SLC8A2: variants seen among roughly 807,000 people sequenced by gnomAD.
The protein encoded by SLC8A2 is sodium/calcium exchanger 2.
SLC8A2 carries 14 observed loss-of-function variants against 70.2 expected under a neutral mutation model. The ratio of observed to expected loss-of-function variants is 0.20; its 90% CI spans 0.13 to 0.31. The LOEUF (loss-of-function observed/expected upper bound fraction) is 0.31, where lower values mean the gene tolerates loss of function less well. Ranked by LOEUF, SLC8A2 falls within the 10% of genes least tolerant of loss-of-function variation. SLC8A2 has a pLI of 1.00. For synonymous variants in SLC8A2, 575 were observed against 594.3 expected (o/e 0.97, Z 0.47); for missense variants, 779 against 1,320.1 (o/e 0.59, Z 6.35).
chr19:47,461,051 G>A (rs1002492822), intron 2 of SLC8A2, among the ~76,000 whole-genome samples: 4 of 151,870 alleles, frequency 2.6e-5, no homozygotes, highest in African/African-American at 9.7e-5. Flanking sequence ...TTAGCTGGGC[G>A]TGGTGGCAGG....
At chr19:47,469,001 G>T (rs1313707557) in intron 1 of SLC8A2, among the ~76,000 whole-genome samples, 3 of 152,138 alleles carry the variant, frequency 2.0e-5, no homozygotes, top group Admixed American at 1.3e-4. Context: ...CCCACAGCCT[G>T]TCCCCAACTC....
intron 9 of SLC8A2, among the ~76,000 whole-genome samples, chr19:47,431,515 G>A (rs898560028): frequency 9.3e-5 from 14 of 150,962 alleles, no homozygotes; most frequent in Non-Finnish European, 1.6e-4. Flanking sequence ...TGGATGTGGT[G>A]GCGCACGCCT....
chr19:47,471,398 C>T (rs183178722), intron 1 of SLC8A2, among the ~76,000 whole-genome samples: 184 of 151,906 alleles, frequency 1.2e-3, no homozygotes, highest in African/African-American at 4.2e-3. Flanking sequence ...GACAGGGACT[C>T]CCAGAGGCGG....
chr19:47,460,540 A>G (rs1305176023), intron 2 of SLC8A2, among the ~76,000 whole-genome samples: 2 of 151,978 alleles, frequency 1.3e-5, no homozygotes, highest in African/African-American at 2.4e-5. Flanking sequence ...TCTACCAAAA[A>G]TACAAAATTA....
intron 1 of SLC8A2, among the ~76,000 whole-genome samples, chr19:47,470,540 A>G (rs529573554): frequency 7.9e-5 from 12 of 152,302 alleles, no homozygotes; most frequent in African/African-American, 2.6e-4. Flanking sequence ...CTGGCACACC[A>G]GGAAAGGGAT....
intron 6 of SLC8A2, among the ~76,000 whole-genome samples, chr19:47,440,179 T>C (rs1447869796): frequency 6.6e-6 from 1 of 152,072 alleles, no homozygotes; most frequent in Non-Finnish European, 1.5e-5. Context: ...TGGCCCCAAT[T>C]CTAACCTAAA....
rs981592453 is a variant in SLC8A2 at position 47,457,387 on chromosome 19, G to T, written c.883C>A (p.Leu295Met). 1.1e-5 allele frequency: 17 copies of T among 1,556,262 alleles called. No individual in the cohort carries two copies. The highest frequency in any genetic ancestry group is 7.3e-5 in the East Asian group (3 of 41,368). The change falls in exon 3 of 10, where the codon CTG (leucine) becomes ATG (methionine). Residue 295 changes from leucine to methionine, a missense_variant. Leu to Met is a conservative substitution (Grantham distance 15). This residue lies in a region of SLC8A2 where 186 missense variants were observed against 246.6 expected (regional missense o/e 0.75). Coordinates refer to ENST00000236877, the MANE Select transcript of SLC8A2 (RefSeq NM_015063.3). ...TFVGAEAPGE[L>M]GGLGPGPAEA... is the part of the protein sequence containing the mutation. Reference sequence around the variant, plus strand: ...GCGGGGCCCGGGCCCAGGCCGCCCAGCTCACCTGGGGCCTCGGCGCCCACG... The same window carrying T: ...GCGGGGCCCGGGCCCAGGCCGCCCATCTCACCTGGGGCCTCGGCGCCCACG...
intron 8 of SLC8A2, among the ~76,000 whole-genome samples, chr19:47,436,175 CT>C (rs1479580134): frequency 1.3e-4 from 20 of 152,292 alleles, no homozygotes; most frequent in South Asian, 6.2e-4. Flanking sequence ...TGGCTGACAT[CT>C]TTACCCATTT....
chr19:47,471,245 GAC>G (rs1967535107), intron 1 of SLC8A2, among the ~76,000 whole-genome samples: 1 of 151,768 alleles, frequency 6.6e-6, no homozygotes. Context: ...GAGAGGCAGA[GAC>G]ACAGAGACAC....
In SLC8A2 at chr19:47,452,435, A is replaced by G. The variant is rs1475707737; in HGVS notation, c.1341-4204T>C. Reference sequence around the variant, plus strand: ...GAGAGAGAGAGAGAGAGAGAGAGAGAGAGAGAGAGAGTGTGTGTGTGTGTG... The same window carrying G: ...GAGAGAGAGAGAGAGAGAGAGAGAGGGAGAGAGAGAGTGTGTGTGTGTGTG... On this transcript the variant is annotated intron_variant, in intron 3 of 9. Transcript: ENST00000236877. 6.3e-5 allele frequency among the ~76,000 whole-genome samples: 6 copies of G among 94,892 alleles called. 1 individual carries two copies. The highest frequency in any genetic ancestry group is 1.2e-4 in the Non-Finnish European group (6 of 48,398). 62.3% of individuals were successfully genotyped at this position (94,892 alleles called of 152,430 possible).
At position 47,430,535 on chromosome 19, in the gene SLC8A2, C is replaced by T. The variant is rs1470279820; in HGVS notation, c.2390-70G>A. 6.3e-6 allele frequency: 9 copies of T among 1,439,712 alleles called. No homozygotes were observed. Among genetic ancestry groups the T allele is most frequent in the African/African-American group, 1.4e-5 (1 of 70,224 alleles). The allele number at this position is 1,439,712 out of a possible 1,614,324, so 89.2% of individuals were successfully genotyped here. ...CCCACAGGGGCGGGCATCCGCCTGC[C>T]CCCTCCCAGCCTTTCCCGGTCGCCT... is the stretch of plus-strand genomic sequence containing the variant. On this transcript the variant is annotated intron_variant, in intron 9 of 9. Coordinates refer to ENST00000236877, the MANE Select transcript of SLC8A2 (RefSeq NM_015063.3). This position sits in a 1 kb window ranked among gnomAD's most constrained non-coding sequence, Gnocchi z 5.9.
At chr19:47,462,733 G>A (rs572905949) in intron 2 of SLC8A2, among the ~76,000 whole-genome samples, 224 of 151,538 alleles carry the variant, frequency 1.5e-3, no homozygotes, top group African/African-American at 5.1e-3. Context: ...GATTACAGGC[G>A]CCTGCCACCA....
Position 47,447,915 on chromosome 19 carries a change from C to A in SLC8A2, c.1657G>T (p.Gly553Cys). The A allele has an allele frequency of 6.4e-7, 1 of 1,569,670 alleles. No homozygotes were observed. The highest frequency in any genetic ancestry group is 8.6e-7 in the Non-Finnish European group (1 of 1,158,468). The change falls in exon 4 of 10, where the codon GGC becomes TGC. Residue 553 changes from glycine to cysteine, a missense_variant. Gly to Cys is a radical substitution (Grantham distance 159, BLOSUM62 -3). Transcript: ENST00000236877. This position sits in a 1 kb window ranked among gnomAD's most constrained non-coding sequence, Gnocchi z 5.1. ...GTGCGGTAGGGAAGGCGCACGGTGC[C>A]GCGCGCGCCCGAGCTGCGCACGACG... is the stretch of plus-strand genomic sequence containing the variant. ...VRVVRSSGARGTVRLPYRTVD... is the reference protein window; with the variant it reads ...VRVVRSSGARCTVRLPYRTVD...
At position 47,468,873 on chromosome 19, in the gene SLC8A2, GAGA is replaced by G. The variant is rs151016456; in HGVS notation, c.-16-2457_-16-2455del. Among the ~76,000 whole-genome samples, 3,026 of 152,236 alleles carry G rather than the reference GAGA, an allele frequency of 0.02. 108 individuals are homozygous for G. Among genetic ancestry groups the G allele is most frequent in the African/African-American group, 0.069 (2,856 of 41,518 alleles). On this transcript the variant is annotated intron_variant, in intron 1 of 9. Transcript: ENST00000236877. The surrounding 1 kb of genome is among the most constrained non-coding windows in gnomAD (Gnocchi z 5.1). ...TGGTAACCCAGTGGCTTATCAAAAA[GAGA>G]AGGAGAGAGGAAGAGAGGTGTCCTG... is the stretch of plus-strand genomic sequence containing the variant.
rs142674037 is a variant in SLC8A2 at position 47,444,355 on chromosome 19, C to T, written c.1764-2915G>A. ...AACACGCACAAGACACAGCGACACC[C>T]GCGCAAGGACAGGCGCACACAAGAC... On this transcript the variant is annotated intron_variant, in intron 4 of 9. Transcript: ENST00000236877. 9.4e-3 allele frequency among the ~76,000 whole-genome samples: 1,431 copies of T among 152,294 alleles called. 37 individuals are homozygous for T. Among genetic ancestry groups the T allele is most frequent in the African/African-American group, 0.033 (1,351 of 41,544 alleles).
chr19:47,466,029 A>T lies in SLC8A2; in HGVS notation c.375T>A (p.Asn125Lys). 6.2e-7 allele frequency: 1 copy of T among 1,614,062 alleles called. No homozygotes were observed. Among genetic ancestry groups the T allele is most frequent in the Non-Finnish European group, 8.5e-7 (1 of 1,179,930 alleles). Residue 125 changes from asparagine to lysine, a missense_variant, in exon 2 of 10, where the codon AAT (asparagine) becomes AAA (lysine). By Grantham distance (94) the Asn-to-Lys change is moderately conservative (BLOSUM62 0). Around this residue, in one of 6 missense-constraint regions of SLC8A2, gnomAD observed 155 missense variants for 318.6 expected, o/e 0.49. Coordinates refer to ENST00000236877, the MANE Select transcript of SLC8A2 (RefSeq NM_015063.3). The surrounding 1 kb of genome is among the most constrained non-coding windows in gnomAD (Gnocchi z 6.9). ...TGAGCGTGAGGTTGGACACCGTCTC[A>T]TTCCAGATGCGAACGGTGCCCACGC... is the stretch of plus-strand genomic sequence containing the variant. Reference protein sequence around the residue: ...ETSVGTVRIWNETVSNLTLMA... With the variant: ...ETSVGTVRIWKETVSNLTLMA...
At chr19:47,464,285 T>C (rs1396082819) in intron 2 of SLC8A2, among the ~76,000 whole-genome samples, 1 of 152,016 alleles carries the variant, frequency 6.6e-6, no homozygotes, top group Non-Finnish European at 1.5e-5. Context: ...CTAGTTTTTA[T>C]ATTTTTAGTA....
chr19:47,438,122 C>A, intron 6 of SLC8A2, 149 bp from the exon 7 acceptor site: 1 of 890,108 alleles, frequency 1.1e-6, no homozygotes. Context: ...TCCCACCTGA[C>A]CACCGTCTCC....
At chr19:47,460,978 C>T (rs1047495302) in intron 2 of SLC8A2, among the ~76,000 whole-genome samples, 3 of 152,050 alleles carry the variant, frequency 2.0e-5, no homozygotes, top group East Asian at 1.9e-4. Context: ...CTTTGGGAGG[C>T]GGAAGTGGGT....
Sources: gnomAD v4.1 joint callset for allele counts (sites outside exome capture counted in the v4.1 genomes callset) on GRCh38, gnomAD v4.1.1 for gene constraint, gnomAD v4.1.1 regional missense constraint, Gnocchi (gnomAD v3.1) non-coding constraint, MANE v1.5 for transcripts, NCBI Gene and HGNC (gene_info 2026-07-23, HGNC 2026-07-21) for gene names.